The following TMPRSS13 variants were observed in gnomAD, a reference collection of about 807,000 sequenced individuals.
The protein encoded by TMPRSS13 is transmembrane protease serine 13.
In TMPRSS13, 50 loss-of-function variants were observed where a neutral mutation model predicts 68.4. The ratio of observed to expected loss-of-function variants is 0.73; its 90% CI spans 0.58 to 0.93. TMPRSS13 has a LOEUF of 0.93. Ranked by LOEUF, TMPRSS13 falls within the 40% of genes least tolerant of loss-of-function variation. The pLI is 0.00. For synonymous variants in TMPRSS13, 267 were observed against 285.8 expected (o/e 0.93, Z 0.66); for missense variants, 615 against 729.2 (o/e 0.84, Z 1.80).
At chr11:117,911,965 T>C in intron 5 of TMPRSS13, 105 bp from the exon 6 acceptor site, 1 of 866,076 alleles carries the variant, frequency 1.2e-6, no homozygotes, top group Non-Finnish European at 1.8e-6. Context: ...GAGGCCAGAC[T>C]GTGATGGTCT....
intron 1 of TMPRSS13, among the ~76,000 whole-genome samples, chr11:117,924,505 C>A (rs2057682903): frequency 6.6e-6 from 1 of 152,190 alleles, no homozygotes; most frequent in Non-Finnish European, 1.5e-5. Context: ...AACAACCCAG[C>A]ACTCTGGGCT....
Position 117,903,715 on chromosome 11 carries a change from G to A in TMPRSS13, c.1617C>T (p.Asn539=), listed in dbSNP as rs778004027. 1 of 1,613,826 alleles carries A rather than the reference G, an allele frequency of 6.2e-7. No homozygotes were observed. The highest frequency in any genetic ancestry group is 8.5e-7 in the Non-Finnish European group (1 of 1,179,958). Residue 539 remains asparagine, a synonymous_variant, in exon 12 of 13, where the codon AAC becomes AAT. Coordinates refer to ENST00000524993, the MANE Select transcript of TMPRSS13 (RefSeq NM_001077263.3). ...TSWGTGCGQR[N]KPGVYTKVTE... ...TCACTTTGGTGTACACACCAGGTTTGTTTCTCTGGCCACAGCCTGTGCCCC... is the reference window on the plus strand; with the variant it reads ...TCACTTTGGTGTACACACCAGGTTTATTTCTCTGGCCACAGCCTGTGCCCC...
At chr11:117,903,012 A>G (rs1398333188) in intron 12 of TMPRSS13, 2 of 1,029,810 alleles carry the variant, frequency 1.9e-6, no homozygotes, top group Non-Finnish European at 2.3e-6. Flanking sequence ...GAGGTTGGAT[A>G]TAGGTTAAAG....
intron 1 of TMPRSS13, among the ~76,000 whole-genome samples, chr11:117,921,241 C>T (rs2057643634): frequency 6.6e-6 from 1 of 152,198 alleles, no homozygotes; most frequent in South Asian, 2.1e-4. Flanking sequence ...ATCCACAGGA[C>T]CTACCTTCGT....
At chr11:117,905,511 C>G in intron 10 of TMPRSS13, 127 bp downstream of exon 10, 2 of 699,970 alleles carry the variant, frequency 2.9e-6, no homozygotes, top group Non-Finnish European at 4.7e-6. Flanking sequence ...CCCATGAATC[C>G]GTATACCCAA....
intron 1 of TMPRSS13, among the ~76,000 whole-genome samples, chr11:117,925,919 C>T (rs922605114): frequency 1.4e-4 from 21 of 152,270 alleles, no homozygotes; most frequent in Admixed American, 1.3e-4. Context: ...CAGGGGAAAT[C>T]GAGGTGGCTG....
intron 9 of TMPRSS13, chr11:117,908,179 T>A: frequency 1.6e-6 from 1 of 631,594 alleles, no homozygotes; most frequent in Non-Finnish European, 2.2e-6. Flanking sequence ...GGTAATTATC[T>A]CTCTGTAAAG....
chr11:117,908,125 C>A, intron 9 of TMPRSS13: 1 of 1,029,786 alleles, frequency 9.7e-7, no homozygotes, highest in East Asian at 5.6e-5. Flanking sequence ...ATCAGATCGA[C>A]CTGGTTCCAA....
At chr11:117,911,162 C>A (rs2057519313) in intron 6 of TMPRSS13, among the ~76,000 whole-genome samples, 1 of 152,190 alleles carries the variant, frequency 6.6e-6, no homozygotes, top group Non-Finnish European at 1.5e-5. Flanking sequence ...GCAGCAAATT[C>A]ACATCCCTTC....
chr11:117,909,959 A>G lies in TMPRSS13; in HGVS notation c.956T>C (p.Leu319Pro). ...YISLQCSHCG[L>P]RAMTGRIVGG... ...CACGATCCGCCCGGTCATGGCCCTCAGTCCGCAGTCTGGAGGGAAGGAGTA... is the reference window on the plus strand; with the variant it reads ...CACGATCCGCCCGGTCATGGCCCTCGGTCCGCAGTCTGGAGGGAAGGAGTA... The change falls in exon 8 of 13, where the codon CTG (leucine) becomes CCG (proline). Residue 319 changes from leucine to proline, a missense_variant. Transcript: ENST00000524993. 3 of 1,613,978 alleles carry G rather than the reference A, an allele frequency of 1.9e-6. No individual in the cohort carries two copies. The highest frequency in any genetic ancestry group is 2.5e-6 in the Non-Finnish European group (3 of 1,179,866).
At chr11:117,917,078 C>G (rs892825435) in intron 3 of TMPRSS13, 92 bp downstream of exon 3, 1 of 1,054,046 alleles carries the variant, frequency 9.5e-7, no homozygotes, top group Admixed American at 2.0e-5. Flanking sequence ...TGGGTGCTCC[C>G]CACACCTGTC....
At chr11:117,916,598 C>A (rs937361528) in intron 3 of TMPRSS13, among the ~76,000 whole-genome samples, 2 of 152,262 alleles carry the variant, frequency 1.3e-5, no homozygotes, top group African/African-American at 4.8e-5. Context: ...GACCTCTGAG[C>A]AGAGAGCCCT....
Position 117,926,156 on chromosome 11 carries a change from TG to T in TMPRSS13, c.21+3130del, listed in dbSNP as rs1565356191. 7.9e-4 allele frequency among the ~76,000 whole-genome samples: 106 copies of T among 134,354 alleles called. 9 individuals carry two copies. Among genetic ancestry groups the T allele is most frequent in the African/African-American group, 3.0e-3 (101 of 34,130 alleles). 88.1% of individuals were successfully genotyped at this position (134,354 alleles called of 152,430 possible). On this transcript the variant is annotated intron_variant, in intron 1 of 12. Transcript: ENST00000524993. Reference sequence around the variant, plus strand: ...GTGCCAGGGTCCTTGGAGGACGAGGTGAGGGCTACACACCTGCAGGGGCATA... The same window carrying T: ...GTGCCAGGGTCCTTGGAGGACGAGGTAGGGCTACACACCTGCAGGGGCATA...
At chr11:117,904,447 G>A (rs1018183680) in intron 10 of TMPRSS13, among the ~76,000 whole-genome samples, 1 of 152,180 alleles carries the variant, frequency 6.6e-6, no homozygotes, top group Admixed American at 6.5e-5. Flanking sequence ...GTTTTTGGAA[G>A]CTATGTGCCC....
rs879212697 is a variant in TMPRSS13, at chr11:117,913,928, G to A, written c.680-22C>T. The A allele has an allele frequency of 5.0e-6, 8 of 1,611,386 alleles. 1 individual carries two copies. In the Admixed American group the frequency reaches 1.2e-4, roughly 24 times the overall value. ...CTCACTGCAGGGCAAGAAAAAGGCA[G>A]AGCAGGTCCTCAGCACCTAGGAAGC... is the stretch of plus-strand genomic sequence containing the variant. On this transcript the variant is annotated intron_variant, in intron 4 of 12. Transcript: ENST00000524993.
In TMPRSS13 at chr11:117,918,548, TGACCTGCCGGATGAG is replaced by T; in HGVS notation, c.297_311del (p.Gly102_Ser106del). The T allele has an allele frequency of 6.2e-7, 1 of 1,614,226 alleles. No homozygotes were observed. The highest frequency in any genetic ancestry group is 1.3e-5 in the African/African-American group (1 of 75,060). On this transcript the variant is annotated inframe_deletion, in exon 2 of 13. Coordinates refer to ENST00000524993, the MANE Select transcript of TMPRSS13 (RefSeq NM_001077263.3). ...TCACCGAGGCTGACCTGGCGGATGATGACCTGCCGGATGAGGACCTGGAAAGTGATGCCAGAGCCG... is the reference window on the plus strand; with the variant it reads ...TCACCGAGGCTGACCTGGCGGATGATGACCTGGAAAGTGATGCCAGAGCCG...
chr11:117,916,879 A>G (rs1565350761), intron 3 of TMPRSS13, among the ~76,000 whole-genome samples: 1 of 152,246 alleles, frequency 6.6e-6, no homozygotes, highest in Non-Finnish European at 1.5e-5. Flanking sequence ...GAAGATGCAG[A>G]AACTGAGCTC....
Position 117,904,148 on chromosome 11 carries a change from G to T in TMPRSS13, c.1382-47C>A. The T allele has an allele frequency of 2.5e-6, 4 of 1,597,132 alleles. No homozygotes were observed. In the East Asian group the frequency reaches 6.7e-5, roughly 27 times the overall value. On this transcript the variant is annotated intron_variant, in intron 10 of 12. Transcript: ENST00000524993. ...GAGACAGAGGATGGGAAGCCAGTGA[G>T]ATTCTAGATAGCTTCCTGGCCGTCC...
In TMPRSS13 at chr11:117,918,755, A is replaced by T. The variant is rs2057611007; in HGVS notation, c.105T>A (p.Ser35=). The change falls in exon 2 of 13, where the codon TCT becomes TCA. Residue 35 remains serine (S), a synonymous_variant. Transcript: ENST00000524993. ...CCTGGGCTGGAGATGCCTGGGCTGG[A>T]GATGCCCGGCCTGGAGGTGTCCCAG... ...SPAGTPPGRA[S]PAQASPAQAS... is the part of the protein sequence containing the mutation. 6.2e-7 allele frequency: 1 copy of T among 1,611,396 alleles called. No individual in the cohort carries two copies. The highest frequency in any genetic ancestry group is 1.7e-5 in the Admixed American group (1 of 59,884).
Sources: allele counts gnomAD v4.1 joint callset (sites outside exome capture counted in the v4.1 genomes callset), GRCh38; gene constraint gnomAD v4.1.1; transcripts MANE v1.5; gene names NCBI Gene and HGNC (gene_info 2026-07-23, HGNC 2026-07-21).